TMEM9B: variants seen among roughly 807,000 people sequenced by gnomAD.
TMEM9B encodes the protein TMEM9 domain family member B.
Under a neutral mutation model 23.5 loss-of-function variants are expected in TMEM9B, and 8 were observed. The ratio of observed to expected loss-of-function variants is 0.34; its 90% CI spans 0.20 to 0.61. The LOEUF is 0.61. Among genes scored for constraint, TMEM9B ranks in the 20% least tolerant of loss-of-function variants. TMEM9B has a pLI of 0.78. For missense variants in TMEM9B, 197 were observed against 252.3 expected, an observed-to-expected ratio of 0.78 and a Z score of 1.49; for synonymous variants, 106 against 96.3, an observed-to-expected ratio of 1.10 and a Z score of -0.59.
Position 8,949,686 on chromosome 11 carries a change from T to G in TMEM9B, c.442-1211A>C, listed in dbSNP as rs553857640. Among the ~76,000 whole-genome samples the G allele has an allele frequency of 4.6e-5, 7 of 152,342 alleles. No homozygotes were observed. In the South Asian group the frequency reaches 1.0e-3, roughly 23 times the overall value. ...GGTCTTGTTTTTATAGCAAGGCATTTATACAATGTCTACATTTGAAAGATA... is the reference window on the plus strand; with the variant it reads ...GGTCTTGTTTTTATAGCAAGGCATTGATACAATGTCTACATTTGAAAGATA... On this transcript the variant is annotated intron_variant, in intron 4 of 4. Transcript: ENST00000534025.
Position 8,964,369 on chromosome 11 carries a change from G to GGGCTTA in TMEM9B, c.-57_-56insTAAGCC. The GGGCTTA allele has an allele frequency of 6.6e-7, 1 of 1,516,056 alleles. No homozygotes were observed. The highest frequency in any genetic ancestry group is 8.8e-7 in the Non-Finnish European group (1 of 1,135,086). 93.9% of individuals were successfully genotyped at this position (1,516,056 alleles called of 1,614,324 possible). On this transcript the variant is annotated 5_prime_UTR_variant, in exon 1 of 5. Transcript: ENST00000534025. ...AGCCCCCGCGACCGGCTCCCGGCTC[G>GGGCTTA]GGCTCAGGCTCAGGCTCAGGCTCAG...
In TMEM9B at chr11:8,960,287, G is replaced by A. The variant is rs1336369380; in HGVS notation, c.197+1805C>T. 4.6e-5 allele frequency among the ~76,000 whole-genome samples: 7 copies of A among 152,066 alleles called. No individual in the cohort carries two copies. The East Asian group carries it at 1.2e-3, about 25-fold the overall frequency. On this transcript the variant is annotated intron_variant, in intron 2 of 4. Coordinates refer to ENST00000534025, the MANE Select transcript of TMEM9B (RefSeq NM_020644.3). ...CTTCCGAGTAGCTGGAATTACAGGCGTGTGCCACCATGCCCAGCTAATTTT... is the reference window on the plus strand; with the variant it reads ...CTTCCGAGTAGCTGGAATTACAGGCATGTGCCACCATGCCCAGCTAATTTT...
chr11:8,950,948 G>C (rs184348078), intron 4 of TMEM9B, among the ~76,000 whole-genome samples: 14 of 152,260 alleles, frequency 9.2e-5, no homozygotes, highest in Admixed American at 7.2e-4. Context: ...ACTTATTTTT[G>C]TAGAGTTGTT....
At chr11:8,961,263 C>T (rs904514609) in intron 2 of TMEM9B, among the ~76,000 whole-genome samples, 19 of 152,206 alleles carry the variant, frequency 1.2e-4, no homozygotes, top group Non-Finnish European at 2.1e-4. Flanking sequence ...TGCTTTCTAA[C>T]TCTTTGATGG....
intron 2 of TMEM9B, among the ~76,000 whole-genome samples, chr11:8,961,809 C>T (rs932458946): frequency 5.3e-5 from 8 of 152,166 alleles, no homozygotes; most frequent in African/African-American, 1.9e-4. Context: ...TGAGGGAGTA[C>T]AGCAAGATAG....
rs772603478 is a variant in TMEM9B, at chr11:8,962,109, G to A, written c.180C>T (p.Asn60=). 9 of 1,593,754 alleles carry A rather than the reference G, an allele frequency of 5.6e-6. No homozygotes were observed. In the East Asian group the frequency reaches 1.8e-4, roughly 32 times the overall value. The part of the protein sequence containing the change: ...KENSGHIYNK[N]ISQKDCDCLH... ...ATACTTACCAATCTTTCTGAGATAT[G>A]TTCTTATTATAAATATGCCCAGAAT... The change falls in exon 2 of 5, where the codon AAC becomes AAT. Residue 60 remains asparagine (N), a synonymous_variant. Coordinates refer to ENST00000534025, the MANE Select transcript of TMEM9B (RefSeq NM_020644.3).
intron 4 of TMEM9B, among the ~76,000 whole-genome samples, chr11:8,949,527 C>G (rs74616609): frequency 0.021 from 3,136 of 152,256 alleles, 48 homozygotes; most frequent in Middle Eastern, 0.034. Flanking sequence ...AGGAGAGAAA[C>G]AACATTATTT....
In TMEM9B at chr11:8,964,369, G is replaced by GGGCTCC; in HGVS notation, c.-57_-56insGGAGCC. On this transcript the variant is annotated 5_prime_UTR_variant, in exon 1 of 5. Coordinates refer to ENST00000534025, the MANE Select transcript of TMEM9B (RefSeq NM_020644.3). ...AGCCCCCGCGACCGGCTCCCGGCTC[G>GGGCTCC]GGCTCAGGCTCAGGCTCAGGCTCAG... 4.6e-6 allele frequency: 7 copies of GGGCTCC among 1,516,056 alleles called. No individual in the cohort carries two copies. Among genetic ancestry groups the GGGCTCC allele is most frequent in the Non-Finnish European group, 6.2e-6 (7 of 1,135,086 alleles). The allele number at this position is 1,516,056 out of a possible 1,614,324, so 93.9% of individuals were successfully genotyped here. A position where few individuals can be genotyped will look rare whatever the true frequency, so the allele number is the denominator to read the frequency against.
chr11:8,955,534 A>C (rs185088829), intron 3 of TMEM9B, among the ~76,000 whole-genome samples: 2 of 152,328 alleles, frequency 1.3e-5, no homozygotes, highest in East Asian at 3.9e-4. Flanking sequence ...ATCATCAGGC[A>C]TTAGATTCTC....
chr11:8,954,778 A>G (rs2134867650), intron 3 of TMEM9B, among the ~76,000 whole-genome samples: 1 of 152,332 alleles, frequency 6.6e-6, no homozygotes, highest in Middle Eastern at 3.4e-3. Flanking sequence ...ATCACAGCAG[A>G]AATGTTTGTG....
At chr11:8,951,944 A>G (rs1005440279) in intron 4 of TMEM9B, among the ~76,000 whole-genome samples, 3 of 151,656 alleles carry the variant, frequency 2.0e-5, no homozygotes, top group Non-Finnish European at 4.4e-5. Flanking sequence ...CGTCTCTACT[A>G]AAAATACAAA....
rs758134637 is a variant in TMEM9B, at chr11:8,948,292, T to C, written c.*28A>G. 6 of 1,604,824 alleles carry C rather than the reference T, an allele frequency of 3.7e-6. No homozygotes were observed. Among genetic ancestry groups the C allele is most frequent in the Non-Finnish European group, 5.1e-6 (6 of 1,174,656 alleles). On this transcript the variant is annotated 3_prime_UTR_variant, in exon 5 of 5. Coordinates refer to ENST00000534025, the MANE Select transcript of TMEM9B (RefSeq NM_020644.3). ...TCTTTCCAGTTGTCTGCCTGTTTCT[T>C]TCTAGTCACCTTGAATTCAATTCCC...
In TMEM9B at chr11:8,948,122, G is replaced by A. The variant is rs927097464; in HGVS notation, c.*198C>T. The stretch of plus-strand genomic sequence containing the variant: ...GAAAAGACTTATTGGCTGACTTTGA[G>A]CTGTGTGCTTTTAAAAATGTCTCTA... On this transcript the variant is annotated 3_prime_UTR_variant, in exon 5 of 5. Coordinates refer to ENST00000534025, the MANE Select transcript of TMEM9B (RefSeq NM_020644.3). 2 of 554,752 alleles carry A rather than the reference G, an allele frequency of 3.6e-6. No homozygotes were observed. Among genetic ancestry groups the A allele is most frequent in the Non-Finnish European group, 6.1e-6 (2 of 325,392 alleles). 34.4% of individuals were successfully genotyped at this position (554,752 alleles called of 1,614,324 possible).
At chr11:8,958,460 C>CAA (rs965076803) in intron 2 of TMEM9B, among the ~76,000 whole-genome samples, 2 of 130,682 alleles carry the variant, frequency 1.5e-5, no homozygotes, top group East Asian at 4.4e-4. Flanking sequence ...GACTCTGTCT[C>CAA]AAAAAAAAAA....
Position 8,948,385 on chromosome 11 carries a change from G to A in TMEM9B, c.532C>T (p.Arg178Cys), listed in dbSNP as rs1389802869. The change falls in exon 5 of 5, where the codon CGC becomes TGC. Residue 178 changes from arginine (R) to cysteine (C), a missense_variant. Physicochemically the swap from Arg to Cys is radical, Grantham distance 180. Coordinates refer to ENST00000534025, the MANE Select transcript of TMEM9B (RefSeq NM_020644.3). ...VLNKVEYAQQ[R>C]WKLQVQEQRK... ...TGCTCTTGGACTTGAAGCTTCCAGC[G>A]CTGCTGTGCATATTCTACCTTGTTC... 5 of 1,614,088 alleles carry A rather than the reference G, an allele frequency of 3.1e-6. No individual in the cohort carries two copies. Among genetic ancestry groups the A allele is most frequent in the East Asian group, 2.2e-5 (1 of 44,892 alleles).
At chr11:8,964,471 G>A (rs1007950051), upstream of TMEM9B, 30 of 1,421,918 alleles carry the variant, frequency 2.1e-5, no homozygotes, top group African/African-American at 8.9e-5. Flanking sequence ...GGGCGCGCCG[G>A]GTCAGATGCA....
chr11:8,964,031 G>A, intron 1 of TMEM9B, 178 bp downstream of exon 1: 1 of 633,486 alleles, frequency 1.6e-6, no homozygotes, highest in Non-Finnish European at 2.6e-6. Context: ...CTGAGGGCGA[G>A]AGTGCCGCCG....
chr11:8,957,434 A>G lies in TMEM9B; in HGVS notation c.198-1136T>C, dbSNP rs908907614. Among the ~76,000 whole-genome samples, 7 of 152,182 alleles carry G rather than the reference A, an allele frequency of 4.6e-5. No homozygotes were observed. Among genetic ancestry groups the G allele is most frequent in the Non-Finnish European group, 1.0e-4 (7 of 68,040 alleles). The stretch of plus-strand genomic sequence containing the variant: ...GATCACCTTCAGCAAAATTAGGGAA[A>G]GCTTTCCTGTCCTCCTGCCAGCTGT... On this transcript the variant is annotated intron_variant, in intron 2 of 4. Transcript: ENST00000534025. The surrounding 1 kb of genome is among the most constrained non-coding windows in gnomAD (Gnocchi z 4.3).
intron 3 of TMEM9B, among the ~76,000 whole-genome samples, chr11:8,954,867 A>G (rs2568088): frequency 4.6e-5 from 7 of 151,550 alleles, no homozygotes; most frequent in Admixed American, 6.6e-5. Context: ...GTAAAAAAAA[A>G]TTAGGCCAGG....
Sources: gnomAD v4.1 joint callset for allele counts (sites outside exome capture counted in the v4.1 genomes callset) on GRCh38, gnomAD v4.1.1 for gene constraint, Gnocchi (gnomAD v3.1) non-coding constraint, MANE v1.5 for transcripts, NCBI Gene and HGNC (gene_info 2026-07-23, HGNC 2026-07-21) for gene names.